The following WWOX variants were observed in gnomAD, a reference collection of about 807,000 sequenced individuals.
WWOX encodes the protein WW domain-containing oxidoreductase.
Under a neutral mutation model 46.2 loss-of-function variants are expected in WWOX, and 69 were observed. The ratio of observed to expected loss-of-function variants is 1.49; its 90% CI spans 1.23 to 1.82. The LOEUF (loss-of-function observed/expected upper bound fraction) is 1.82. Among genes scored for constraint, WWOX ranks in the 40% most tolerant of loss-of-function variants. The probability of loss-of-function intolerance (pLI) is 0.00; values close to 1 mark genes in which losing one functional copy is unlikely to be tolerated. For synonymous variants in WWOX, 359 were observed against 202.6 expected (o/e 1.77, Z -6.56); for missense variants, 919 against 542.6 (o/e 1.69, Z -6.89).
rs1458431082 is a variant in WWOX at position 78,108,418 on chromosome 16, A to T, written c.108-5A>T. On this transcript the variant is annotated splice_region_variant and splice_polypyrimidine_tract_variant and intron_variant, in intron 1 of 8. Coordinates refer to ENST00000566780, the MANE Select transcript of WWOX (RefSeq NM_016373.4). ...TATTACTGTGGATTTTTTGTTTTTT[A>T]ACAGTCACACCGAGGAGAAGACTCA... is the stretch of plus-strand genomic sequence containing the variant. 2 of 1,606,012 alleles carry T rather than the reference A, an allele frequency of 1.2e-6. No individual in the cohort carries two copies. The highest frequency in any genetic ancestry group is 1.7e-6 in the Non-Finnish European group (2 of 1,176,246).
rs926097333 is a variant in WWOX at position 78,567,726 on chromosome 16, C to A, written c.1056+134974C>A. Among the ~76,000 whole-genome samples, 43 of 151,980 alleles carry A rather than the reference C, an allele frequency of 2.8e-4. 1 individual carries two copies. Among genetic ancestry groups the A allele is most frequent in the African/African-American group, 1.0e-3 (43 of 41,398 alleles). ...CTGTGGAGAGTTCCAGCTCATCCAC[C>A]CTGCCTCTGTGGCTGAGTCGGGGAG... On this transcript the variant is annotated intron_variant, in intron 8 of 8. Transcript: ENST00000566780.
At chr16:78,334,051 A>G (rs1324751031) in intron 5 of WWOX, among the ~76,000 whole-genome samples, 1 of 152,196 alleles carries the variant, frequency 6.6e-6, no homozygotes, top group Non-Finnish European at 1.5e-5. Flanking sequence ...CCAGACAGTA[A>G]AACGGCATTA....
intron 8 of WWOX, among the ~76,000 whole-genome samples, chr16:78,833,433 TC>T (rs1218610460): frequency 6.6e-6 from 1 of 151,872 alleles, no homozygotes; most frequent in African/African-American, 2.4e-5. Flanking sequence ...CTCCTCCTCC[TC>T]CTCCTCCTCC....
intron 8 of WWOX, among the ~76,000 whole-genome samples, chr16:78,646,121 C>T (rs568558303): frequency 1.1e-4 from 17 of 152,290 alleles, no homozygotes; most frequent in African/African-American, 3.1e-4. Flanking sequence ...CTACAAAGTC[C>T]CATCTGCCAT....
chr16:78,956,200 C>T (rs1201404561), intron 8 of WWOX, among the ~76,000 whole-genome samples: 2 of 152,214 alleles, frequency 1.3e-5, no homozygotes, highest in East Asian at 3.9e-4. Context: ...GGCTGGAGTG[C>T]AGTGGCACCA....
chr16:79,006,562 G>C (rs1246765916), intron 8 of WWOX, among the ~76,000 whole-genome samples: 1 of 150,516 alleles, frequency 6.6e-6, no homozygotes, highest in Non-Finnish European at 1.5e-5. Flanking sequence ...CACTGTATTT[G>C]TTTTCAATTG....
At chr16:78,356,266 T>C (rs1024148772) in intron 5 of WWOX, among the ~76,000 whole-genome samples, 1 of 151,974 alleles carries the variant, frequency 6.6e-6, no homozygotes, top group African/African-American at 2.4e-5. Context: ...ATCATATACA[T>C]ATATATCACA....
intron 8 of WWOX, among the ~76,000 whole-genome samples, chr16:79,098,501 C>T (rs1453254165): frequency 6.6e-6 from 1 of 152,246 alleles, no homozygotes; most frequent in Non-Finnish European, 1.5e-5. Context: ...CTTCTTCACC[C>T]CTTCCCTGGT....
chr16:79,063,355 A>G (rs1387805511), intron 8 of WWOX, among the ~76,000 whole-genome samples: 2 of 152,316 alleles, frequency 1.3e-5, no homozygotes, highest in East Asian at 1.9e-4. Flanking sequence ...TGGCGTGCGT[A>G]TCTTGGCCCC....
chr16:78,560,077 A>G (rs538205957), intron 8 of WWOX, among the ~76,000 whole-genome samples: 1 of 152,360 alleles, frequency 6.6e-6, no homozygotes, highest in Admixed American at 6.5e-5. Flanking sequence ...GAAATTTACA[A>G]GGCCATTTTT....
intron 8 of WWOX, among the ~76,000 whole-genome samples, chr16:79,208,576 C>A (rs922217701): frequency 6.6e-6 from 1 of 152,030 alleles, no homozygotes; most frequent in Admixed American, 6.6e-5. Flanking sequence ...TGAACTGATG[C>A]CCCAAAAGGT....
intron 5 of WWOX, among the ~76,000 whole-genome samples, chr16:78,325,627 T>C (rs12926541): frequency 0.017 from 2,563 of 152,202 alleles, 47 homozygotes; most frequent in Non-Finnish European, 0.027. Context: ...CAGAAGGAGG[T>C]CAACCCGGCC....
intron 8 of WWOX, among the ~76,000 whole-genome samples, chr16:78,852,900 T>C (rs1284102609): frequency 6.6e-6 from 1 of 152,192 alleles, no homozygotes; most frequent in African/African-American, 2.4e-5. Context: ...TCTCAAAAAG[T>C]AGTTTGGTGA....
intron 8 of WWOX, among the ~76,000 whole-genome samples, chr16:78,907,380 G>T (rs1216888347): frequency 6.6e-6 from 1 of 152,222 alleles, no homozygotes; most frequent in Non-Finnish European, 1.5e-5. Flanking sequence ...TGCAAATCTT[G>T]TAACCTCTGG....
At chr16:78,830,879 C>G (rs1444464641) in intron 8 of WWOX, among the ~76,000 whole-genome samples, 2 of 152,028 alleles carry the variant, frequency 1.3e-5, no homozygotes, top group Non-Finnish European at 2.9e-5. Flanking sequence ...CCATCCTTAC[C>G]CTCTATAGCC....
chr16:78,536,560 C>A (rs2043764175), intron 8 of WWOX, among the ~76,000 whole-genome samples: 1 of 152,048 alleles, frequency 6.6e-6, no homozygotes, highest in Non-Finnish European at 1.5e-5. Flanking sequence ...CTTACATATC[C>A]CAGTGTATAT....
intron 5 of WWOX, among the ~76,000 whole-genome samples, chr16:78,304,917 C>A (rs1027040427): frequency 6.6e-6 from 1 of 151,896 alleles, no homozygotes; most frequent in East Asian, 1.9e-4. Context: ...ATTTTTCTTC[C>A]TCTCTTTCCT....
chr16:78,169,589 G>A (rs909397101), intron 5 of WWOX, among the ~76,000 whole-genome samples: 14 of 139,120 alleles, frequency 1.0e-4, no homozygotes, highest in Admixed American at 5.6e-4. Context: ...AAAGACCCCA[G>A]TGGGGCTCTG....
intron 8 of WWOX, among the ~76,000 whole-genome samples, chr16:78,589,204 C>T (rs887245027): frequency 7.2e-5 from 11 of 152,130 alleles, no homozygotes; most frequent in Admixed American, 4.6e-4. Flanking sequence ...TTTAGAGTTT[C>T]TTATTGCGGT....
Sources: allele counts gnomAD v4.1 joint callset (sites outside exome capture counted in the v4.1 genomes callset), GRCh38; gene constraint gnomAD v4.1.1; transcripts MANE v1.5; gene names NCBI Gene and HGNC (gene_info 2026-07-23, HGNC 2026-07-21).